Variants in PRKCA observed in about 807,000 individuals in gnomAD.
The protein encoded by PRKCA is protein kinase C alpha.
A neutral mutation model predicts 87.0 loss-of-function variants in PRKCA; 27 were observed. The ratio of observed to expected loss-of-function variants is 0.31; its 90% CI spans 0.23 to 0.43. The LOEUF is 0.43. Ranked by LOEUF, PRKCA falls within the 20% of genes least tolerant of loss-of-function variation. The pLI is 1.00. For missense variants in PRKCA, 518 were observed against 852.3 expected (o/e 0.61, Z 4.88); for synonymous variants, 329 against 311.1 (o/e 1.06, Z -0.61).
chr17:66,460,043 A>C (rs1169534624), intron 2 of PRKCA, among the ~76,000 whole-genome samples: 1 of 152,224 alleles, frequency 6.6e-6, no homozygotes, highest in Non-Finnish European at 1.5e-5. Context: ...TTCTTTTGCA[A>C]AATTAACCTT....
intron 3 of PRKCA, among the ~76,000 whole-genome samples, chr17:66,534,425 T>A (rs1967690698): frequency 2.0e-5 from 3 of 152,158 alleles, no homozygotes; most frequent in African/African-American, 7.2e-5. Flanking sequence ...CCCAGCACTT[T>A]GGGAGGCCGA....
At chr17:66,349,332 T>C (rs1907591488) in intron 2 of PRKCA, among the ~76,000 whole-genome samples, 1 of 152,184 alleles carries the variant, frequency 6.6e-6, no homozygotes, top group African/African-American at 2.4e-5. Flanking sequence ...TGTTCTCCCC[T>C]GAGGATGAAT....
intron 3 of PRKCA, among the ~76,000 whole-genome samples, chr17:66,566,551 T>C (rs1968907715): frequency 1.4e-5 from 2 of 146,164 alleles, no homozygotes; most frequent in South Asian, 4.4e-4. Flanking sequence ...CCCTCCTGAA[T>C]GTTGTATTTG....
chr17:66,802,809 G>A (rs1975930875), intron 16 of PRKCA, among the ~76,000 whole-genome samples: 1 of 152,214 alleles, frequency 6.6e-6, no homozygotes, highest in Non-Finnish European at 1.5e-5. Flanking sequence ...GAGACCCAAG[G>A]ATGCCTGGTT....
At chr17:66,363,435 CCT>C (rs1354944226) in intron 2 of PRKCA, among the ~76,000 whole-genome samples, 2 of 152,158 alleles carry the variant, frequency 1.3e-5, no homozygotes, top group Non-Finnish European at 2.9e-5. Flanking sequence ...TGTCCTTTAT[CCT>C]CGGTAAAGCA....
At chr17:66,794,035 C>T (rs1311524783) in intron 16 of PRKCA, among the ~76,000 whole-genome samples, 5 of 151,990 alleles carry the variant, frequency 3.3e-5, no homozygotes, top group Admixed American at 1.3e-4. Flanking sequence ...TAGTTCTAGC[C>T]GTTGGCACCA....
chr17:66,747,024 A>C (rs1360539043), intron 13 of PRKCA, among the ~76,000 whole-genome samples: 1 of 151,952 alleles, frequency 6.6e-6, no homozygotes, highest in Non-Finnish European at 1.5e-5. Context: ...CCCCTACTGC[A>C]GTGAGAGCAA....
intron 2 of PRKCA, among the ~76,000 whole-genome samples, chr17:66,487,798 G>C (rs1429296810): frequency 6.6e-6 from 1 of 151,972 alleles, no homozygotes. Context: ...CTACCTGTTG[G>C]CCATTTGTTT....
intron 2 of PRKCA, among the ~76,000 whole-genome samples, chr17:66,387,936 G>A (rs554866324): frequency 7.2e-5 from 11 of 152,296 alleles, no homozygotes; most frequent in African/African-American, 2.4e-4. Context: ...TGCTGTCCCC[G>A]GGTCCATTCC....
intron 2 of PRKCA, among the ~76,000 whole-genome samples, chr17:66,319,694 T>C (rs566300063): frequency 1.3e-5 from 2 of 152,178 alleles, no homozygotes; most frequent in South Asian, 2.1e-4. Flanking sequence ...AATTATATAT[T>C]CATAGGTGGT....
intron 1 of PRKCA, among the ~76,000 whole-genome samples, chr17:66,305,413 TG>T (rs1392992319): frequency 6.6e-6 from 1 of 152,238 alleles, no homozygotes; most frequent in Non-Finnish European, 1.5e-5. Flanking sequence ...GAACAATACC[TG>T]CAATTGAACG....
intron 13 of PRKCA, among the ~76,000 whole-genome samples, chr17:66,745,006 G>A (rs1974241177): frequency 6.6e-6 from 1 of 152,162 alleles, no homozygotes; most frequent in South Asian, 2.1e-4. Flanking sequence ...GGGATTATAT[G>A]GGGCCCACTT....
chr17:66,546,324 T>C (rs1968143338), intron 3 of PRKCA, among the ~76,000 whole-genome samples: 1 of 152,230 alleles, frequency 6.6e-6, no homozygotes, highest in Non-Finnish European at 1.5e-5. Flanking sequence ...TGATTAGCTG[T>C]ATTAGTTTCT....
At chr17:66,565,229 C>T in intron 3 of PRKCA, among the ~76,000 whole-genome samples, 1 of 152,120 alleles carries the variant, frequency 6.6e-6, no homozygotes, top group Middle Eastern at 3.2e-3. Context: ...AAGTGATTCC[C>T]ACTCAGCCCG....
chr17:66,435,506 G>A (rs7211524), intron 2 of PRKCA, among the ~76,000 whole-genome samples: 9,921 of 152,190 alleles, frequency 0.065, 384 homozygotes, highest in African/African-American at 0.093. Context: ...GCCTACAAAA[G>A]GTATCTATAA....
intron 2 of PRKCA, among the ~76,000 whole-genome samples, chr17:66,380,827 C>G (rs1909736186): frequency 6.6e-6 from 1 of 152,082 alleles, no homozygotes; most frequent in Non-Finnish European, 1.5e-5. Flanking sequence ...GATGCTAGAT[C>G]TTCTGTGAAT....
intron 5 of PRKCA, among the ~76,000 whole-genome samples, chr17:66,659,568 T>C (rs1469354224): frequency 6.6e-6 from 1 of 151,972 alleles, no homozygotes; most frequent in African/African-American, 2.4e-5. Flanking sequence ...TAAAAATAAA[T>C]ATAATTTAAA....
At chr17:66,631,827 A>G (rs1343136508) in intron 3 of PRKCA, among the ~76,000 whole-genome samples, 2 of 152,218 alleles carry the variant, frequency 1.3e-5, no homozygotes. Context: ...ATATACACCT[A>G]TGTACTCACA....
At chr17:66,412,055 A>G (rs903176218) in intron 2 of PRKCA, among the ~76,000 whole-genome samples, 1 of 149,082 alleles carries the variant, frequency 6.7e-6, no homozygotes, top group African/African-American at 2.5e-5. Context: ...TTCATGGAAC[A>G]TCACTTTTAC....
Sources: allele counts gnomAD v4.1 joint callset (sites outside exome capture counted in the v4.1 genomes callset), GRCh38; gene constraint gnomAD v4.1.1; transcripts MANE v1.5; gene names NCBI Gene and HGNC (gene_info 2026-07-23, HGNC 2026-07-21).